ZMYM2: variants seen among roughly 807,000 people sequenced by gnomAD.
The protein encoded by ZMYM2 is zinc finger MYM-type containing 2, also known as zinc finger MYM-type protein 2.
In ZMYM2, 56 loss-of-function variants were observed where a neutral mutation model predicts 162.8. The observed-to-expected ratio is 0.34, with a 90% confidence interval of 0.28 to 0.43. ZMYM2 has a LOEUF of 0.43. Among genes scored for constraint, ZMYM2 ranks in the 20% least tolerant of loss-of-function variants. ZMYM2 has a pLI of 1.00. For synonymous variants in ZMYM2, 510 were observed against 541.6 expected, an observed-to-expected ratio of 0.94 and a Z score of 0.81; for missense variants, 1,275 against 1,621.8, an observed-to-expected ratio of 0.79 and a Z score of 3.67.
chr13:20,076,553 T>A (rs1957517678), intron 21 of ZMYM2, among the ~76,000 whole-genome samples: 2 of 150,622 alleles, frequency 1.3e-5, no homozygotes, highest in African/African-American at 2.5e-5. Flanking sequence ...GTGAGTTTCT[T>A]GTTTATTATA....
intron 21 of ZMYM2, 132 bp from the exon 22 acceptor site, chr13:20,081,884 G>A (rs1337995024): frequency 1.2e-5 from 6 of 521,004 alleles, no homozygotes; most frequent in Non-Finnish European, 2.0e-5. Flanking sequence ...CATAAAATCA[G>A]TCATGTTTTA....
chr13:19,962,496 G>GATATATAT lies in ZMYM2; in HGVS notation c.-11+2483_-11+2490dup, dbSNP rs199575840. Among the ~76,000 whole-genome samples, 216 of 84,808 alleles carry GATATATAT rather than the reference G, an allele frequency of 2.5e-3. 3 individuals are homozygous for GATATATAT. The highest frequency in any genetic ancestry group is 0.01 in the Middle Eastern group (1 of 96). The allele number at this position is 84,808 out of a possible 152,430, so 55.6% of individuals were successfully genotyped here. A position where few individuals can be genotyped will look rare whatever the true frequency, so the allele number is the denominator to read the frequency against. On this transcript the variant is annotated intron_variant, in intron 2 of 24. Coordinates refer to ENST00000610343, the MANE Select transcript of ZMYM2 (RefSeq NM_197968.4). Reference sequence around the variant, plus strand: ...AGACTGGGCTATTCAAATTGCATGGGATATATATATATATATATATTTTTT... The same window carrying GATATATAT: ...AGACTGGGCTATTCAAATTGCATGGGATATATATATATATATATATATATATATTTTTT...
intron 9 of ZMYM2, chr13:20,027,957 G>T (rs997369122): frequency 5.7e-6 from 1 of 176,340 alleles, no homozygotes; most frequent in East Asian, 9.6e-5. Flanking sequence ...ATACGATTAG[G>T]TTTACCTGTT....
chr13:20,016,511 A>G (rs1457188197), intron 6 of ZMYM2, among the ~76,000 whole-genome samples: 1 of 152,138 alleles, frequency 6.6e-6, no homozygotes. Flanking sequence ...GACTCCTTTT[A>G]GCATTTGTTT....
At chr13:19,935,836 T>C in the ZMYM2 span, among the ~76,000 whole-genome samples, 7 of 152,154 alleles carry the variant, frequency 4.6e-5, no homozygotes, top group Non-Finnish European at 8.8e-5. Flanking sequence ...TTATCTGTTC[T>C]AGGGTTTCTT....
chr13:20,059,312 C>T, intron 15 of ZMYM2, 135 bp from the exon 16 acceptor site: 2 of 832,442 alleles, frequency 2.4e-6, no homozygotes, highest in East Asian at 3.3e-5. Context: ...AGTTACCTAA[C>T]TTAAAAAAAC....
At chr13:19,991,079 CTGTGTGTGTGTG>C (rs56666919) in intron 2 of ZMYM2, among the ~76,000 whole-genome samples, 2 of 59,838 alleles carry the variant, frequency 3.3e-5, no homozygotes, top group Non-Finnish European at 6.3e-5. Context: ...TATGTATTTT[CTGTGTGTGTGTG>C]TGTGTGTGTG....
the ZMYM2 span, among the ~76,000 whole-genome samples, chr13:19,919,119 C>A: frequency 2.4e-4 from 36 of 151,518 alleles, no homozygotes; most frequent in African/African-American, 8.5e-4. Flanking sequence ...CAGTCTGTAA[C>A]CTTTTGAGAC....
intron 2 of ZMYM2, among the ~76,000 whole-genome samples, 175 bp downstream of exon 2, chr13:19,960,201 C>T (rs1955044407): frequency 6.6e-6 from 1 of 152,188 alleles, no homozygotes; most frequent in African/African-American, 2.4e-5. Flanking sequence ...GGAGTGGGCG[C>T]TGCTGTTTCC....
the ZMYM2 span, among the ~76,000 whole-genome samples, chr13:19,887,358 A>T: frequency 6.6e-6 from 1 of 151,494 alleles, no homozygotes; most frequent in Non-Finnish European, 1.5e-5. Context: ...GTGAAACCTC[A>T]TCTCTATTAA....
the ZMYM2 span, among the ~76,000 whole-genome samples, chr13:19,882,084 T>G: frequency 2.0e-5 from 3 of 152,058 alleles, no homozygotes; most frequent in Admixed American, 6.6e-5. Context: ...CTAAAATCAA[T>G]TCTTAGATGA....
rs760230607 is a variant in ZMYM2 at position 20,027,337 on chromosome 13, A to G, written c.1851+19A>G. The G allele has an allele frequency of 1.3e-6, 2 of 1,514,136 alleles. No individual in the cohort carries two copies. Among genetic ancestry groups the G allele is most frequent in the South Asian group, 1.2e-5 (1 of 82,866 alleles). 93.8% of individuals were successfully genotyped at this position (1,514,136 alleles called of 1,614,324 possible). A position where few individuals can be genotyped will look rare whatever the true frequency, so the allele number is the denominator to read the frequency against. Reference sequence around the variant, plus strand: ...ATTTCAGGTTTGTCGTTTATTTTGCATAACCCATGCCCCCAATAAAATACA... The same window carrying G: ...ATTTCAGGTTTGTCGTTTATTTTGCGTAACCCATGCCCCCAATAAAATACA... On this transcript the variant is annotated intron_variant, in intron 9 of 24. Coordinates refer to ENST00000610343, the MANE Select transcript of ZMYM2 (RefSeq NM_197968.4).
intron 7 of ZMYM2, chr13:20,020,008 C>T (rs551900728): frequency 6.1e-6 from 1 of 164,828 alleles, no homozygotes; most frequent in African/African-American, 2.4e-5. Flanking sequence ...CCTGTTAATC[C>T]AGATAAATGA....
the ZMYM2 span, among the ~76,000 whole-genome samples, chr13:19,868,565 G>T: frequency 6.6e-6 from 1 of 152,046 alleles, no homozygotes; most frequent in Non-Finnish European, 1.5e-5. Context: ...AGTATTTATT[G>T]CTCTACGTGG....
rs1951846289 is a variant in ZMYM2, at chr13:20,019,034, C to T, written c.1513-513C>T. On this transcript the variant is annotated intron_variant, in intron 6 of 24. Coordinates refer to ENST00000610343, the MANE Select transcript of ZMYM2 (RefSeq NM_197968.4). ...GGTGGAGGTTGCAGTGAGCCAAAAT[C>T]ATGCCACTGCAATTCAGCGTGGGTG... Among the ~76,000 whole-genome samples the T allele has an allele frequency of 2.7e-5, 4 of 146,710 alleles. No individual in the cohort carries two copies. In the South Asian group the frequency reaches 8.9e-4, roughly 33 times the overall value.
At chr13:20,033,892 G>T (rs1275431034) in intron 10 of ZMYM2, among the ~76,000 whole-genome samples, 1 of 152,092 alleles carries the variant, frequency 6.6e-6, no homozygotes, top group Non-Finnish European at 1.5e-5. Flanking sequence ...TTTTCTTTTT[G>T]ACTGAAAATA....
chr13:19,870,580 T>TTCC, the ZMYM2 span, among the ~76,000 whole-genome samples: 2 of 132,170 alleles, frequency 1.5e-5, no homozygotes, highest in Non-Finnish European at 3.3e-5. Context: ...CCTTCTTTCC[T>TTCC]TTCCTTCCTT....
At chr13:19,915,222 A>T in the ZMYM2 span, among the ~76,000 whole-genome samples, 1 of 152,028 alleles carries the variant, frequency 6.6e-6, no homozygotes. Context: ...CAGCCTCCCA[A>T]AGTGCTGGGA....
At chr13:19,875,376 T>C in the ZMYM2 span, among the ~76,000 whole-genome samples, 1 of 152,044 alleles carries the variant, frequency 6.6e-6, no homozygotes, top group African/African-American at 2.4e-5. Flanking sequence ...ACACCTGTAA[T>C]CCCAGCACTT....
Sources: gnomAD v4.1 joint callset for allele counts (sites outside exome capture counted in the v4.1 genomes callset) on GRCh38, gnomAD v4.1.1 for gene constraint, MANE v1.5 for transcripts, NCBI Gene and HGNC (gene_info 2026-07-23, HGNC 2026-07-21) for gene names.